POLR3H: variants seen among roughly 807,000 people sequenced by gnomAD.
The protein encoded by POLR3H is RNA polymerase III subunit H, also known as DNA-directed RNA polymerase III subunit RPC8.
POLR3H carries 17 observed loss-of-function variants against 25.5 expected under a neutral mutation model. The observed-to-expected ratio is 0.67, with a 90% CI of 0.46 to 1.00. POLR3H has a LOEUF of 1.00. Among genes scored for constraint, POLR3H ranks in the 50% least tolerant of loss-of-function variants. POLR3H has a pLI of 0.00. For missense variants in POLR3H, 274 were observed against 265.0 expected (o/e 1.03, Z -0.24); for synonymous variants, 129 against 103.0 (o/e 1.25, Z -1.53).
At position 41,528,694 on chromosome 22, in the gene POLR3H, G is replaced by A; in HGVS notation, c.*589C>T. ...CAGTGGATCCGATCCGTCCAGCCAT[G>A]GCTTCCTATTCCAAGATGGTGTGAC... On this transcript the variant is annotated 3_prime_UTR_variant, in exon 6 of 6. Transcript: ENST00000355209. 6.5e-7 allele frequency: 1 copy of A among 1,541,282 alleles called. No homozygotes were observed. Among genetic ancestry groups the A allele is most frequent in the South Asian group, 1.2e-5 (1 of 82,308 alleles).
chr22:41,529,239 C>T lies in POLR3H; in HGVS notation c.*44G>A. The T allele has an allele frequency of 6.4e-7, 1 of 1,567,322 alleles. No individual in the cohort carries two copies. The highest frequency in any genetic ancestry group is 8.7e-7 in the Non-Finnish European group (1 of 1,143,126). The stretch of plus-strand genomic sequence containing the variant: ...GCTGTTGTCTTCACAGCCGGCCATA[C>T]CACCTTCCCGCAGGCTGGTAGGGTC... On this transcript the variant is annotated 3_prime_UTR_variant, in exon 6 of 6. Transcript: ENST00000355209.
At chr22:41,542,147 G>A (rs537227604) in intron 1 of POLR3H, among the ~76,000 whole-genome samples, 6 of 152,030 alleles carry the variant, frequency 3.9e-5, no homozygotes, top group Admixed American at 1.3e-4. Context: ...GCAGTGGTGC[G>A]ATTTCAGCTC....
chr22:41,532,893 A>C (rs1170292083), intron 2 of POLR3H, 148 bp from the exon 3 acceptor site: 1 of 816,782 alleles, frequency 1.2e-6, no homozygotes, highest in Non-Finnish European at 1.9e-6. Context: ...TGTCTCCTGC[A>C]AGTTCACAGC....
In POLR3H at chr22:41,528,013, C is replaced by T; in HGVS notation, c.*1270G>A. The T allele has an allele frequency of 6.2e-7, 1 of 1,614,146 alleles. No individual in the cohort carries two copies. The highest frequency in any genetic ancestry group is 8.5e-7 in the Non-Finnish European group (1 of 1,180,024). On this transcript the variant is annotated 3_prime_UTR_variant, in exon 6 of 6. Coordinates refer to ENST00000355209, the MANE Select transcript of POLR3H (RefSeq NM_001018050.4). ...CCATTCAGGGCCTGAAGGACTTCAC[C>T]CCTGGCAAGGTTAGGGGCCCGGGTC... is the stretch of plus-strand genomic sequence containing the variant.
chr22:41,530,557 A>C lies in POLR3H; in HGVS notation c.561+130T>G. 3 of 841,086 alleles carry C rather than the reference A, an allele frequency of 3.6e-6. No homozygotes were observed. The South Asian group carries it at 5.3e-5, about 15-fold the overall frequency. 52.1% of individuals were successfully genotyped at this position (841,086 alleles called of 1,614,324 possible). On this transcript the variant is annotated intron_variant, in intron 5 of 5. Transcript: ENST00000355209. The stretch of plus-strand genomic sequence containing the variant: ...GCTCTCCAGGGAGAAGTGACCAGCC[A>C]AGACCCCCCAAACAGGATCCCTGAC...
At chr22:41,533,653 G>C in intron 2 of POLR3H, 2 of 1,304,050 alleles carry the variant, frequency 1.5e-6, no homozygotes, top group African/African-American at 3.0e-5. Context: ...GGCATCAGCA[G>C]GGCATGAGGA....
Position 41,544,126 on chromosome 22 carries a change from G to A in POLR3H, c.-25C>T, listed in dbSNP as rs750063616. The A allele has an allele frequency of 6.1e-6, 9 of 1,470,944 alleles. No homozygotes were observed. The Admixed American group carries it at 1.0e-4, about 17-fold the overall frequency. 91.1% of individuals were successfully genotyped at this position (1,470,944 alleles called of 1,614,324 possible). ...TCCCGGCCTGCGCTGGGGGCTCTGG[G>A]AACAGGAGGGTCAGTCACGCACCAG... On this transcript the variant is annotated 5_prime_UTR_variant, in exon 1 of 6. Transcript: ENST00000355209.
intron 5 of POLR3H, chr22:41,529,692 T>C: frequency 1.7e-6 from 1 of 583,754 alleles, no homozygotes. Context: ...AAGCCACTCT[T>C]CCCCGGAGCC....
Position 41,528,183 on chromosome 22 carries a change from C to CA in POLR3H, c.*1099dup, listed in dbSNP as rs1246421542. On this transcript the variant is annotated 3_prime_UTR_variant, in exon 6 of 6. Transcript: ENST00000355209. ...CCACAGAGAAAGCAAAGTGGCTTCT[C>CA]AGAGTTGGGGGTTGGAGTCAACCCG... 2 of 1,176,822 alleles carry CA rather than the reference C, an allele frequency of 1.7e-6. No homozygotes were observed. The highest frequency in any genetic ancestry group is 2.4e-6 in the Non-Finnish European group (2 of 846,486). 72.9% of individuals were successfully genotyped at this position (1,176,822 alleles called of 1,614,324 possible).
In POLR3H at chr22:41,532,252, G is replaced by A. The variant is rs367599052; in HGVS notation, c.296-95C>T. 8 of 1,262,522 alleles carry A rather than the reference G, an allele frequency of 6.3e-6. 1 individual carries two copies. The African/African-American group carries it at 1.2e-4, about 19-fold the overall frequency. 78.2% of individuals were successfully genotyped at this position (1,262,522 alleles called of 1,614,324 possible). On this transcript the variant is annotated intron_variant, in intron 3 of 5. Coordinates refer to ENST00000355209, the MANE Select transcript of POLR3H (RefSeq NM_001018050.4). ...ATGCTTGACAGGCAAGCCCTGCCTG[G>A]GGCTGCCCACGAGGCGGATGTCGCT...
chr22:41,538,696 C>T (rs1169154275), intron 2 of POLR3H, among the ~76,000 whole-genome samples: 1 of 152,304 alleles, frequency 6.6e-6, no homozygotes, highest in South Asian at 2.1e-4. Context: ...CAGAGGCCCT[C>T]GTGGTTGTTT....
rs757026291 is a variant in POLR3H at position 41,528,027 on chromosome 22, G to C, written c.*1256C>G. On this transcript the variant is annotated 3_prime_UTR_variant, in exon 6 of 6. Coordinates refer to ENST00000355209, the MANE Select transcript of POLR3H (RefSeq NM_001018050.4). Reference sequence around the variant, plus strand: ...AAGGACTTCACCCCTGGCAAGGTTAGGGGCCCGGGTCCCCCTGAGGTGGTG... The same window carrying C: ...AAGGACTTCACCCCTGGCAAGGTTACGGGCCCGGGTCCCCCTGAGGTGGTG... The C allele has an allele frequency of 7.4e-6, 12 of 1,614,016 alleles. No individual in the cohort carries two copies. Among genetic ancestry groups the C allele is most frequent in the South Asian group, 6.6e-5 (6 of 91,088 alleles).
rs747847114 is a variant in POLR3H, at chr22:41,526,229, C to G, written c.*3054G>C. 1.9e-6 allele frequency: 3 copies of G among 1,595,592 alleles called. No homozygotes were observed. The highest frequency in any genetic ancestry group is 2.7e-5 in the African/African-American group (2 of 74,602). Reference sequence around the variant, plus strand: ...GTCATCCACCCCTCCAGGGCCATGCCCTGACCTCTGTCCTCTCTACTTACC... The same window carrying G: ...GTCATCCACCCCTCCAGGGCCATGCGCTGACCTCTGTCCTCTCTACTTACC... On this transcript the variant is annotated 3_prime_UTR_variant, in exon 6 of 6. Coordinates refer to ENST00000355209, the MANE Select transcript of POLR3H (RefSeq NM_001018050.4).
intron 2 of POLR3H, chr22:41,533,728 GA>G (rs1226816817): frequency 1.5e-6 from 2 of 1,303,606 alleles, no homozygotes; most frequent in South Asian, 2.5e-5. Flanking sequence ...CCACCATGAA[GA>G]TGACTGGGCC....
chr22:41,529,518 A>C, intron 5 of POLR3H, 182 bp from the exon 6 acceptor site: 1 of 656,658 alleles, frequency 1.5e-6, no homozygotes, highest in Non-Finnish European at 2.8e-6. Context: ...CGCAGCACGC[A>C]GGGCGCAGAC....
At chr22:41,537,235 C>A (rs997924460) in intron 2 of POLR3H, among the ~76,000 whole-genome samples, 5 of 152,174 alleles carry the variant, frequency 3.3e-5, no homozygotes, top group African/African-American at 1.2e-4. Flanking sequence ...CAGACTTGCT[C>A]GTTGACTCCT....
rs1296909113 is a variant in POLR3H at position 41,527,382 on chromosome 22, G to A, written c.*1901C>T. 1.2e-6 allele frequency: 2 copies of A among 1,613,640 alleles called. No homozygotes were observed. Among genetic ancestry groups the A allele is most frequent in the South Asian group, 1.1e-5 (1 of 91,060 alleles). On this transcript the variant is annotated 3_prime_UTR_variant, in exon 6 of 6. Transcript: ENST00000355209. ...GCTCTGGAGCCTCGCCACCTTGGGG[G>A]CCGGGCCATCATCACCAAGAGCTTT...
Position 41,528,073 on chromosome 22 carries a change from G to C in POLR3H, c.*1210C>G, listed in dbSNP as rs568556386. 6.2e-7 allele frequency: 1 copy of C among 1,612,412 alleles called. No homozygotes were observed. ...TGGTGGGGTGAGGGGCAGCCACCTTGTTTCCCCTCCTGCACTGGCCCCAGG... is the reference window on the plus strand; with the variant it reads ...TGGTGGGGTGAGGGGCAGCCACCTTCTTTCCCCTCCTGCACTGGCCCCAGG... On this transcript the variant is annotated 3_prime_UTR_variant, in exon 6 of 6. Transcript: ENST00000355209.
In POLR3H at chr22:41,528,321, G is replaced by A. The variant is rs2066647028; in HGVS notation, c.*962C>T. On this transcript the variant is annotated 3_prime_UTR_variant, in exon 6 of 6. Coordinates refer to ENST00000355209, the MANE Select transcript of POLR3H (RefSeq NM_001018050.4). The stretch of plus-strand genomic sequence containing the variant: ...CAGGAATCCCCTGTAGGTGCCACCT[G>A]GGTCTGACCTGGGCCATCAGGCACA... 9.1e-7 allele frequency: 1 copy of A among 1,098,980 alleles called. No individual in the cohort carries two copies. The highest frequency in any genetic ancestry group is 1.3e-6 in the Non-Finnish European group (1 of 787,586). The allele number at this position is 1,098,980 out of a possible 1,614,324, so 68.1% of individuals were successfully genotyped here. A position where few individuals can be genotyped will look rare whatever the true frequency, so the allele number is the denominator to read the frequency against.
Sources: allele counts gnomAD v4.1 joint callset (sites outside exome capture counted in the v4.1 genomes callset), GRCh38; gene constraint gnomAD v4.1.1; transcripts MANE v1.5; gene names NCBI Gene and HGNC (gene_info 2026-07-23, HGNC 2026-07-21).